The following KAT14 variants were observed in gnomAD, a reference collection of about 807,000 sequenced individuals.
KAT14 encodes cysteine-rich protein 2-binding protein.
A neutral mutation model predicts 78.4 loss-of-function variants in KAT14; 66 were observed. The observed-to-expected ratio is 0.84, with a 90% CI of 0.69 to 1.03. The LOEUF (loss-of-function observed/expected upper bound fraction) is 1.03, where lower values mean the gene tolerates loss of function less well. KAT14 is among the 50% of genes least tolerant of loss of function. KAT14 has a pLI of 0.00. For synonymous variants in KAT14, 344 were observed against 359.4 expected, an observed-to-expected ratio of 0.96 and a Z score of 0.48; for missense variants, 870 against 972.5, an observed-to-expected ratio of 0.89 and a Z score of 1.40.
intron 5 of KAT14, 149 bp from the exon 6 acceptor site, chr20:18,161,674 C>A: frequency 8.7e-7 from 1 of 1,144,336 alleles, no homozygotes; most frequent in Non-Finnish European, 1.2e-6. Context: ...TGCAGCATTT[C>A]GGATTTTGTA....
intron 7 of KAT14, among the ~76,000 whole-genome samples, chr20:18,168,256 A>G (rs1331181801): frequency 2.0e-5 from 3 of 152,242 alleles, no homozygotes; most frequent in Non-Finnish European, 4.4e-5. Context: ...GACTGGGCTC[A>G]GTGGCTCATG....
chr20:18,138,027 T>C lies in KAT14; in HGVS notation c.-478T>C, dbSNP rs1206348160. 1 of 1,493,152 alleles carries C rather than the reference T, an allele frequency of 6.7e-7. No homozygotes were observed. The highest frequency in any genetic ancestry group is 8.9e-7 in the Non-Finnish European group (1 of 1,128,030). The allele number at this position is 1,493,152 out of a possible 1,614,324, so 92.5% of individuals were successfully genotyped here. On this transcript the variant is annotated 5_prime_UTR_variant, in exon 1 of 11. An upstream start codon of the reference 5' UTR is lost. Coordinates refer to ENST00000688188, the MANE Select transcript of KAT14 (RefSeq NM_001392073.1). ...CGGCGGCCACAGTGGCCGGCGTACA[T>C]GTGAAGCAGCAGTGGGACCAGCAGG...
At chr20:18,155,888 G>T (rs2038208335) in intron 4 of KAT14, among the ~76,000 whole-genome samples, 1 of 152,110 alleles carries the variant, frequency 6.6e-6, no homozygotes, top group South Asian at 2.1e-4. Context: ...TCACTTCTGG[G>T]TATATACTCA....
intron 7 of KAT14, among the ~76,000 whole-genome samples, chr20:18,163,605 A>C (rs2038526566): frequency 6.6e-6 from 1 of 152,174 alleles, no homozygotes; most frequent in Non-Finnish European, 1.5e-5. Flanking sequence ...CTTTGGTTAC[A>C]GGTGAGGTTA....
intron 2 of KAT14, among the ~76,000 whole-genome samples, chr20:18,144,305 C>T (rs2037734445): frequency 6.6e-6 from 1 of 152,202 alleles, no homozygotes; most frequent in African/African-American, 2.4e-5. Context: ...CAGTGGCTTT[C>T]CCTTTGTCCT....
At chr20:18,161,782 A>T in intron 5 of KAT14, 41 bp from the exon 6 acceptor site, 1 of 1,572,582 alleles carries the variant, frequency 6.4e-7, no homozygotes, top group East Asian at 2.3e-5. Context: ...CAAGCATTTC[A>T]GATGAGGGAT....
In KAT14 at chr20:18,142,587, A is replaced by T; in HGVS notation, c.-74A>T. ...AGTCTGTCTGGGTGATCCTGGTAGA[A>T]GCCCCATTAGGGTCACTGTCCAGTG... On this transcript the variant is annotated 5_prime_UTR_variant, in exon 2 of 11. The change creates a new upstream start codon in the 5' untranslated region. Coordinates refer to ENST00000688188, the MANE Select transcript of KAT14 (RefSeq NM_001392073.1). 6.3e-7 allele frequency: 1 copy of T among 1,583,698 alleles called. No homozygotes were observed. Among genetic ancestry groups the T allele is most frequent in the East Asian group, 2.2e-5 (1 of 44,448 alleles).
At position 18,161,769 on chromosome 20, in the gene KAT14, G is replaced by A. The variant is rs1555802858; in HGVS notation, c.683-54G>A. 28 of 1,558,580 alleles carry A rather than the reference G, an allele frequency of 1.8e-5. 1 individual carries two copies. In the South Asian group the frequency reaches 3.4e-4, roughly 19 times the overall value. On this transcript the variant is annotated intron_variant, in intron 5 of 10. Coordinates refer to ENST00000688188, the MANE Select transcript of KAT14 (RefSeq NM_001392073.1). ...CATCTGAAATCCAAAACATGCTTGT[G>A]CCCAAGCATTTCAGATGAGGGATAC...
Position 18,137,882 on chromosome 20 carries a change from G to T in KAT14, c.-623G>T. On this transcript the variant is annotated 5_prime_UTR_variant, in exon 1 of 11. Transcript: ENST00000688188. ...GGGGTCGAGCCTGGGCAGTACAGGCGGCGGTGCGCACTCTGCGGCGGCCTC... is the reference window on the plus strand; with the variant it reads ...GGGGTCGAGCCTGGGCAGTACAGGCTGCGGTGCGCACTCTGCGGCGGCCTC... 1 of 1,390,836 alleles carries T rather than the reference G, an allele frequency of 7.2e-7. No homozygotes were observed. The highest frequency in any genetic ancestry group is 1.5e-5 in the South Asian group (1 of 68,646). The allele number at this position is 1,390,836 out of a possible 1,614,324, so 86.2% of individuals were successfully genotyped here. A position where few individuals can be genotyped will look rare whatever the true frequency, so the allele number is the denominator to read the frequency against.
At chr20:18,187,241 C>A in intron 10 of KAT14, 45 bp from the exon 11 acceptor site, 1 of 1,557,096 alleles carries the variant, frequency 6.4e-7, no homozygotes, top group Non-Finnish European at 8.6e-7. Context: ...CATTTTCCCT[C>A]AGGCCTTTCC....
intron 1 of KAT14, among the ~76,000 whole-genome samples, chr20:18,141,257 A>G (rs2037564831): frequency 2.0e-5 from 3 of 151,940 alleles, no homozygotes; most frequent in Non-Finnish European, 4.4e-5. Context: ...ATGTTTTTAA[A>G]AGTCTCTTCT....
At chr20:18,184,925 A>G (rs1600243992) in intron 10 of KAT14, 133 bp downstream of exon 10, 1 of 954,012 alleles carries the variant, frequency 1.0e-6, no homozygotes, top group East Asian at 3.0e-5. Context: ...AAGTGAAGAA[A>G]GCCAGTCATC....
At chr20:18,162,323 C>T (rs1415227797) in intron 6 of KAT14, 54 bp from the exon 7 acceptor site, 3 of 1,602,644 alleles carry the variant, frequency 1.9e-6, no homozygotes, top group Non-Finnish European at 2.6e-6. Context: ...GGGCTGTGTG[C>T]TCTGCATTTC....
At chr20:18,149,616 A>G (rs1348528119) in intron 3 of KAT14, among the ~76,000 whole-genome samples, 1 of 152,158 alleles carries the variant, frequency 6.6e-6, no homozygotes, top group Non-Finnish European at 1.5e-5. Flanking sequence ...CTGTGAATAC[A>G]GATGTTGGGG....
intron 3 of KAT14, among the ~76,000 whole-genome samples, chr20:18,146,763 T>C (rs556238030): frequency 6.6e-6 from 1 of 152,084 alleles, no homozygotes; most frequent in Admixed American, 6.6e-5. Context: ...GAGGGTTGCT[T>C]GAGCCTGGGA....
intron 2 of KAT14, chr20:18,143,175 T>C (rs1216251118): frequency 6.6e-6 from 8 of 1,215,100 alleles, no homozygotes; most frequent in Non-Finnish European, 7.2e-6. Flanking sequence ...GGAAATCCTG[T>C]GTTACTTAAA....
At chr20:18,175,433 C>A (rs1858488900) in intron 7 of KAT14, among the ~76,000 whole-genome samples, 1 of 152,042 alleles carries the variant, frequency 6.6e-6, no homozygotes, top group African/African-American at 2.4e-5. Flanking sequence ...CAGCCCCTGA[C>A]CCATCTGTGG....
chr20:18,151,396 C>T (rs1196014365), intron 4 of KAT14, among the ~76,000 whole-genome samples: 2 of 151,826 alleles, frequency 1.3e-5, no homozygotes, highest in African/African-American at 2.4e-5. Flanking sequence ...GGGGTTTCAC[C>T]ATGTTGGCCA....
chr20:18,146,596 T>G (rs1410485047), intron 3 of KAT14, among the ~76,000 whole-genome samples: 1 of 152,016 alleles, frequency 6.6e-6, no homozygotes, highest in Non-Finnish European at 1.5e-5. Context: ...GAGGCGGAGG[T>G]TGCAGTGAGC....
Sources: gnomAD v4.1 joint callset for allele counts (sites outside exome capture counted in the v4.1 genomes callset) on GRCh38, gnomAD v4.1.1 for gene constraint, MANE v1.5 for transcripts, NCBI Gene and HGNC (gene_info 2026-07-23, HGNC 2026-07-21) for gene names.